Variants in PCDHGA7 observed in about 807,000 individuals in gnomAD.
The protein encoded by PCDHGA7 is protocadherin gamma subfamily A, 7, also known as protocadherin gamma-A7.
A neutral mutation model predicts 58.3 loss-of-function variants in PCDHGA7; 44 were observed. That is an observed-to-expected ratio of 0.75 (90% CI 0.59 to 0.97). PCDHGA7 has a LOEUF of 0.97. Among genes scored for constraint, PCDHGA7 ranks in the 50% least tolerant of loss-of-function variants. The pLI, the probability that PCDHGA7 is intolerant of heterozygous loss-of-function variation, is 0.00. For missense variants in PCDHGA7, 1,266 were observed against 1,188.7 expected (o/e 1.06, Z -0.96); for synonymous variants, 516 against 504.2 (o/e 1.02, Z -0.31).
intron 2 of PCDHGA7, among the ~76,000 whole-genome samples, chr5:141,497,552 T>C (rs2099777669): frequency 6.6e-6 from 1 of 151,386 alleles, no homozygotes; most frequent in Non-Finnish European, 1.5e-5. Context: ...TTTTTTTTTT[T>C]TTTTTTAGAC....
intron 1 of PCDHGA7, among the ~76,000 whole-genome samples, chr5:141,484,764 A>G (rs1469048336): frequency 6.6e-6 from 1 of 151,806 alleles, no homozygotes; most frequent in African/African-American, 2.4e-5. Flanking sequence ...ATATATATAT[A>G]TGTTGTCTGC....
At position 141,430,859 on chromosome 5, in the gene PCDHGA7, T is replaced by G. The variant is rs770543752; in HGVS notation, c.2424+45536T>G. The stretch of plus-strand genomic sequence containing the variant: ...GACCGGATGCACCCAGATACGCTAT[T>G]CAGTTCCGGAAGAGCTGGAGAAAGG... On this transcript the variant is annotated intron_variant, in intron 1 of 3. Transcript: ENST00000518325. 5.0e-6 allele frequency: 8 copies of G among 1,592,398 alleles called. No homozygotes were observed. The East Asian group carries it at 1.6e-4, about 31-fold the overall frequency.
rs978782104 is a variant in PCDHGA7 at position 141,431,445 on chromosome 5, G to C, written c.2424+46122G>C. 1 of 1,613,742 alleles carries C rather than the reference G, an allele frequency of 6.2e-7. No homozygotes were observed. On this transcript the variant is annotated intron_variant, in intron 1 of 3. Transcript: ENST00000518325. This position sits in a 1 kb window ranked among gnomAD's most constrained non-coding sequence, Gnocchi z 4.8. ...GTGCGCACAGGCACCGCGCGCATCC[G>C]CGTGATGGTTCTGGATGCGAACGAC...
chr5:141,420,191 CAAGAT>C, intron 1 of PCDHGA7: 1 of 1,613,720 alleles, frequency 6.2e-7, no homozygotes, highest in Non-Finnish European at 8.5e-7. Context: ...TCCAGCCACA[CAAGAT>C]AACCTCAACA....
At chr5:141,433,358 C>CCTAA (rs1554125965) in intron 1 of PCDHGA7, 1 of 503,368 alleles carries the variant, frequency 2.0e-6, no homozygotes, top group Non-Finnish European at 3.5e-6. Flanking sequence ...CTACTGTCTG[C>CCTAA]CTATCTATCT....
chr5:141,467,952 C>A (rs1341210155), intron 1 of PCDHGA7, among the ~76,000 whole-genome samples: 1 of 152,186 alleles, frequency 6.6e-6, no homozygotes, highest in Non-Finnish European at 1.5e-5. Flanking sequence ...AGCCACCACA[C>A]CCGGCTGCCA....
chr5:141,418,987 A>AG (rs781016682), intron 1 of PCDHGA7: 1 of 1,613,974 alleles, frequency 6.2e-7, no homozygotes, highest in South Asian at 1.1e-5. Context: ...ACCAAGACTC[A>AG]GGGGAAAATG....
In PCDHGA7 at chr5:141,487,761, C is replaced by T. The variant is rs1331182183; in HGVS notation, c.2425-7046C>T. Reference sequence around the variant, plus strand: ...GTAAGAGGTAACTATGTGGTAGACGCTGTGCTTTGTAACTGTTTCGTGAAT... The same window carrying T: ...GTAAGAGGTAACTATGTGGTAGACGTTGTGCTTTGTAACTGTTTCGTGAAT... On this transcript the variant is annotated intron_variant, in intron 1 of 3. Coordinates refer to ENST00000518325, the MANE Select transcript of PCDHGA7 (RefSeq NM_018920.4). The surrounding 1 kb of genome is among the most constrained non-coding windows in gnomAD (Gnocchi z 5.0). 3.2e-6 allele frequency: 5 copies of T among 1,545,926 alleles called. No individual in the cohort carries two copies. Among genetic ancestry groups the T allele is most frequent in the South Asian group, 1.2e-5 (1 of 83,534 alleles).
intron 1 of PCDHGA7, chr5:141,394,811 C>G (rs1225635250): frequency 7.4e-6 from 12 of 1,613,770 alleles, no homozygotes; most frequent in Non-Finnish European, 1.0e-5. Flanking sequence ...CCGTGGCTGA[C>G]AGCATCCCCG....
chr5:141,395,097 G>A lies in PCDHGA7; in HGVS notation c.2424+9774G>A, dbSNP rs376460647. The A allele has an allele frequency of 1.3e-5, 21 of 1,614,040 alleles. No homozygotes were observed. Among genetic ancestry groups the A allele is most frequent in the Non-Finnish European group, 1.7e-5 (20 of 1,180,038 alleles). On this transcript the variant is annotated intron_variant, in intron 1 of 3. Coordinates refer to ENST00000518325, the MANE Select transcript of PCDHGA7 (RefSeq NM_018920.4). ...TTCCCAGGAAGTCTCCCTCACCGCC[G>A]ACTCGCGGAAGAGTCACCTGATCTT...
intron 1 of PCDHGA7, chr5:141,392,857 T>C: frequency 5.0e-6 from 8 of 1,612,536 alleles, no homozygotes; most frequent in Non-Finnish European, 6.8e-6. Flanking sequence ...GAGCTGATCC[T>C]GCTGTGCGCG....
intron 1 of PCDHGA7, among the ~76,000 whole-genome samples, chr5:141,458,009 G>T (rs1039110082): frequency 2.6e-5 from 4 of 152,142 alleles, no homozygotes; most frequent in Non-Finnish European, 4.4e-5. Context: ...AAAATAACCG[G>T]TTTTTCCAAT....
At chr5:141,498,919 C>T (rs897611505) in intron 2 of PCDHGA7, among the ~76,000 whole-genome samples, 34 of 122,310 alleles carry the variant, frequency 2.8e-4, no homozygotes, top group African/African-American at 3.4e-4. Flanking sequence ...GGTGACAGAG[C>T]GAGACTCCAT....
rs764056952 is a variant in PCDHGA7 at position 141,405,326 on chromosome 5, T to G, written c.2424+20003T>G. On this transcript the variant is annotated intron_variant, in intron 1 of 3. Transcript: ENST00000518325. ...GAGCTGTGAGAAAAATGAGCCTTTG[T>G]GCGTCTCTGTTGATTCCAAGTTTCC... The G allele has an allele frequency of 2.5e-6, 4 of 1,614,220 alleles. No individual in the cohort carries two copies. Among genetic ancestry groups the G allele is most frequent in the Admixed American group, 3.3e-5 (2 of 60,026 alleles).
At chr5:141,426,445 A>T (rs2096937062) in intron 1 of PCDHGA7, 1 of 310,256 alleles carries the variant, frequency 3.2e-6, no homozygotes, top group East Asian at 8.0e-5. Context: ...TGCGGAGGAC[A>T]TGCGGCTGCA....
intron 2 of PCDHGA7, among the ~76,000 whole-genome samples, chr5:141,498,371 C>T (rs188547878): frequency 6.6e-6 from 1 of 151,838 alleles, no homozygotes; most frequent in Admixed American, 6.6e-5. Flanking sequence ...TGTGGTGAGG[C>T]CTCCTGGGAT....
At chr5:141,454,964 C>T (rs1283179107) in intron 1 of PCDHGA7, among the ~76,000 whole-genome samples, 10 of 151,622 alleles carry the variant, frequency 6.6e-5, no homozygotes, top group African/African-American at 2.4e-4. Flanking sequence ...CCGGCCACCA[C>T]GCCTGGCTAA....
In PCDHGA7 at chr5:141,432,184, C is replaced by G; in HGVS notation, c.2424+46861C>G. 1 of 1,614,164 alleles carries G rather than the reference C, an allele frequency of 6.2e-7. No individual in the cohort carries two copies. The highest frequency in any genetic ancestry group is 2.2e-5 in the East Asian group (1 of 44,872). On this transcript the variant is annotated intron_variant, in intron 1 of 3. Coordinates refer to ENST00000518325, the MANE Select transcript of PCDHGA7 (RefSeq NM_018920.4). This position sits in a 1 kb window ranked among gnomAD's most constrained non-coding sequence, Gnocchi z 6.0. Reference sequence around the variant, plus strand: ...GAGGAGTTTCCCTCGTCTCTGTGACCGCCCACGACCCCGACTGTGAAGAGA... The same window carrying G: ...GAGGAGTTTCCCTCGTCTCTGTGACGGCCCACGACCCCGACTGTGAAGAGA...
chr5:141,497,512 T>C (rs903352739), intron 2 of PCDHGA7, among the ~76,000 whole-genome samples: 2 of 151,896 alleles, frequency 1.3e-5, no homozygotes, highest in Admixed American at 1.3e-4. Flanking sequence ...TCTGCTTCCT[T>C]AGTTAACTTG....
Sources: gnomAD v4.1 joint callset for allele counts (sites outside exome capture counted in the v4.1 genomes callset) on GRCh38, gnomAD v4.1.1 for gene constraint, Gnocchi (gnomAD v3.1) non-coding constraint, MANE v1.5 for transcripts, NCBI Gene and HGNC (gene_info 2026-07-23, HGNC 2026-07-21) for gene names.